Variants in SEC61A2 observed in about 807,000 individuals in gnomAD.
SEC61A2 encodes protein transport protein Sec61 subunit alpha isoform 2.
Under a neutral mutation model 59.9 loss-of-function variants are expected in SEC61A2, and 28 were observed. The observed-to-expected ratio is 0.47, with a 90% confidence interval of 0.35 to 0.64. The LOEUF (loss-of-function observed/expected upper bound fraction) is 0.64. Ranked by LOEUF, SEC61A2 falls within the 30% of genes least tolerant of loss-of-function variation. SEC61A2 has a pLI of 0.01. For synonymous variants in SEC61A2, 202 were observed against 214.4 expected (o/e 0.94, Z 0.50); for missense variants, 340 against 585.9 (o/e 0.58, Z 4.33).
downstream of SEC61A2, chr10:12,167,937 G>T: frequency 7.0e-7 from 1 of 1,436,774 alleles, no homozygotes; most frequent in Non-Finnish European, 9.1e-7. Context: ...TGGTGATAAC[G>T]TTTTTTTTGG....
chr10:12,156,756 C>T lies in SEC61A2; in HGVS notation c.617-151C>T, dbSNP rs1834404781. 1 of 637,292 alleles carries T rather than the reference C, an allele frequency of 1.6e-6. No homozygotes were observed. Among genetic ancestry groups the T allele is most frequent in the South Asian group, 2.3e-5 (1 of 43,082 alleles). 39.5% of individuals were successfully genotyped at this position (637,292 alleles called of 1,614,324 possible). A position where few individuals can be genotyped will look rare whatever the true frequency, so the allele number is the denominator to read the frequency against. ...TCAATGATCTAAATATTTGTAGAAC[C>T]TGCTCACATGGCTATATCATAAAGC... On this transcript the variant is annotated intron_variant, in intron 7 of 11. Coordinates refer to ENST00000298428, the MANE Select transcript of SEC61A2 (RefSeq NM_018144.4). The surrounding 1 kb of genome is among the most constrained non-coding windows in gnomAD (Gnocchi z 5.2).
In SEC61A2 at chr10:12,158,303, T is replaced by C. The variant is rs1243349733; in HGVS notation, c.975+198T>C. 4 of 550,066 alleles carry C rather than the reference T, an allele frequency of 7.3e-6. No homozygotes were observed. The highest frequency in any genetic ancestry group is 3.5e-5 in the Admixed American group (1 of 28,980). 34.1% of individuals were successfully genotyped at this position (550,066 alleles called of 1,614,324 possible). ...AAGATTGCCCAAGCGCTTTTTATTA[T>C]TTTGCTCTCTAGGAAGCACTTTCAC... On this transcript the variant is annotated intron_variant, in intron 9 of 11. Coordinates refer to ENST00000298428, the MANE Select transcript of SEC61A2 (RefSeq NM_018144.4). The surrounding 1 kb of genome is among the most constrained non-coding windows in gnomAD (Gnocchi z 5.7).
At position 12,164,585 on chromosome 10, in the gene SEC61A2, C is replaced by G; in HGVS notation, c.*131C>G. 1 of 1,463,406 alleles carries G rather than the reference C, an allele frequency of 6.8e-7. No homozygotes were observed. Among genetic ancestry groups the G allele is most frequent in the Non-Finnish European group, 9.0e-7 (1 of 1,113,634 alleles). The allele number at this position is 1,463,406 out of a possible 1,614,324, so 90.7% of individuals were successfully genotyped here. On this transcript the variant is annotated 3_prime_UTR_variant, in exon 12 of 12. Coordinates refer to ENST00000298428, the MANE Select transcript of SEC61A2 (RefSeq NM_018144.4). The surrounding 1 kb of genome is among the most constrained non-coding windows in gnomAD (Gnocchi z 7.3). ...GTTTCGAGTGCTGACTGACCCGTTT[C>G]TGAAATGGGCACCGAGCTAAGTCTG... is the stretch of plus-strand genomic sequence containing the variant.
chr10:12,158,321 A>T lies in SEC61A2; in HGVS notation c.975+216A>T, dbSNP rs1444645175. 3.9e-6 allele frequency: 2 copies of T among 513,614 alleles called. No individual in the cohort carries two copies. Among genetic ancestry groups the T allele is most frequent in the Non-Finnish European group, 6.8e-6 (2 of 292,506 alleles). The allele number at this position is 513,614 out of a possible 1,614,324, so 31.8% of individuals were successfully genotyped here. A position where few individuals can be genotyped will look rare whatever the true frequency, so the allele number is the denominator to read the frequency against. Reference sequence around the variant, plus strand: ...TTTATTATTTTGCTCTCTAGGAAGCACTTTCACATCTCATTTGAATGACCT... The same window carrying T: ...TTTATTATTTTGCTCTCTAGGAAGCTCTTTCACATCTCATTTGAATGACCT... On this transcript the variant is annotated intron_variant, in intron 9 of 11. Transcript: ENST00000298428. The surrounding 1 kb of genome is among the most constrained non-coding windows in gnomAD (Gnocchi z 5.7).
chr10:12,131,047 C>T (rs1833722350), intron 1 of SEC61A2, among the ~76,000 whole-genome samples: 1 of 152,188 alleles, frequency 6.6e-6, no homozygotes, highest in African/African-American at 2.4e-5. Flanking sequence ...GTGGTGGGCG[C>T]CAGTCATCCC....
chr10:12,147,918 C>G (rs1394224911), intron 4 of SEC61A2, among the ~76,000 whole-genome samples: 1 of 151,510 alleles, frequency 6.6e-6, no homozygotes, highest in Non-Finnish European at 1.5e-5. Flanking sequence ...GGTGATCTAA[C>G]TTAAGAAATC....
At chr10:12,159,041 G>A (rs918713630) in intron 9 of SEC61A2, among the ~76,000 whole-genome samples, 1 of 149,048 alleles carries the variant, frequency 6.7e-6, no homozygotes, top group African/African-American at 2.5e-5. Flanking sequence ...GCAGTGGTAC[G>A]ATCTCGGCTC....
intron 1 of SEC61A2, among the ~76,000 whole-genome samples, chr10:12,131,839 C>T (rs1439659659): frequency 3.0e-5 from 4 of 132,790 alleles, no homozygotes; most frequent in East Asian, 2.2e-4. Context: ...TACAGGGGCC[C>T]GCCACCACGC....
chr10:12,157,409 C>T (rs1321591915), intron 8 of SEC61A2, among the ~76,000 whole-genome samples: 1 of 151,514 alleles, frequency 6.6e-6, no homozygotes, highest in Non-Finnish European at 1.5e-5. Flanking sequence ...GATCTTAGCT[C>T]ACTCTAACCT....
At chr10:12,138,590 T>C (rs553292761) in intron 3 of SEC61A2, among the ~76,000 whole-genome samples, 1 of 152,240 alleles carries the variant, frequency 6.6e-6, no homozygotes, top group Non-Finnish European at 1.5e-5. Context: ...TACTTTGATT[T>C]GTTTTTTCTA....
chr10:12,144,458 G>A (rs74986107), intron 4 of SEC61A2, among the ~76,000 whole-genome samples: 2,558 of 152,222 alleles, frequency 0.017, 47 homozygotes, highest in Non-Finnish European at 0.023. Flanking sequence ...ATAAGGATAC[G>A]CTGTGATTTA....
chr10:12,153,138 C>G lies in SEC61A2; in HGVS notation c.463-2640C>G, dbSNP rs1466691428. Reference sequence around the variant, plus strand: ...TCACTTGATTGGCAAATTTACAGCCCTTGGGAATTAGGGAAAGAGGCGCAT... The same window carrying G: ...TCACTTGATTGGCAAATTTACAGCCGTTGGGAATTAGGGAAAGAGGCGCAT... On this transcript the variant is annotated intron_variant, in intron 6 of 11. Coordinates refer to ENST00000298428, the MANE Select transcript of SEC61A2 (RefSeq NM_018144.4). This position sits in a 1 kb window ranked among gnomAD's most constrained non-coding sequence, Gnocchi z 5.2. Among the ~76,000 whole-genome samples, 1 of 152,048 alleles carries G rather than the reference C, an allele frequency of 6.6e-6. No individual in the cohort carries two copies. Among genetic ancestry groups the G allele is most frequent in the Admixed American group, 6.5e-5 (1 of 15,268 alleles).
At chr10:12,157,734 C>T (rs1240709017) in intron 8 of SEC61A2, among the ~76,000 whole-genome samples, 174 bp from the exon 9 acceptor site, 1 of 152,116 alleles carries the variant, frequency 6.6e-6, no homozygotes, top group Non-Finnish European at 1.5e-5. Flanking sequence ...ATCTCCTGAC[C>T]TCGTGATCTG....
chr10:12,149,606 G>T lies in SEC61A2; in HGVS notation c.232G>T (p.Glu78Ter), dbSNP rs1275530619. The T allele has an allele frequency of 6.2e-7, 1 of 1,606,576 alleles. No individual in the cohort carries two copies. The highest frequency in any genetic ancestry group is 8.5e-7 in the Non-Finnish European group (1 of 1,177,538). Reference protein sequence around the residue: ...ILASNRGTLMELGISPIVTSG... With the variant: ...ILASNRGTLM The stretch of plus-strand genomic sequence containing the variant: ...CCCTTCCTTTCCAGGAACTTTAATG[G>T]AATTGGGTATCTCCCCAATTGTAAC... Residue 78 changes from glutamate (E) to a stop codon, truncating the protein, a stop_gained, in exon 5 of 12, where the codon GAA becomes TAA. Transcript: ENST00000298428. LOFTEE classifies it high-confidence loss of function. This position sits in a 1 kb window ranked among gnomAD's most constrained non-coding sequence, Gnocchi z 5.2.
intron 4 of SEC61A2, among the ~76,000 whole-genome samples, chr10:12,148,630 C>A (rs934251413): frequency 1.3e-5 from 2 of 151,834 alleles, no homozygotes; most frequent in East Asian, 3.9e-4. Context: ...ACCTCCAACT[C>A]CTCGGTTCAA....
Position 12,155,353 on chromosome 10 carries a change from AT to A in SEC61A2, c.463-422del. ...GACTTATCCTTTGATGGCAGTGTAC[AT>A]TTCCATCTTGCTATTATACCAGAAT... On this transcript the variant is annotated intron_variant, in intron 6 of 11. Transcript: ENST00000298428. The surrounding 1 kb of genome is among the most constrained non-coding windows in gnomAD (Gnocchi z 4.3). 1 of 1,582,906 alleles carries A rather than the reference AT, an allele frequency of 6.3e-7. No individual in the cohort carries two copies. Among genetic ancestry groups the A allele is most frequent in the South Asian group, 1.2e-5 (1 of 85,822 alleles).
Position 12,155,521 on chromosome 10 carries a change from C to A in SEC61A2, c.463-257C>A. ...TTTAAACATTGCAAAAGAAACTATT[C>A]AGATAAGTGTAAATAGACTTTAAAA... On this transcript the variant is annotated intron_variant, in intron 6 of 11. Coordinates refer to ENST00000298428, the MANE Select transcript of SEC61A2 (RefSeq NM_018144.4). The surrounding 1 kb of genome is among the most constrained non-coding windows in gnomAD (Gnocchi z 4.3). 1 of 681,994 alleles carries A rather than the reference C, an allele frequency of 1.5e-6. No homozygotes were observed. The highest frequency in any genetic ancestry group is 2.4e-6 in the Non-Finnish European group (1 of 416,516). 42.2% of individuals were successfully genotyped at this position (681,994 alleles called of 1,614,324 possible). A position where few individuals can be genotyped will look rare whatever the true frequency, so the allele number is the denominator to read the frequency against.
At chr10:12,146,248 C>G (rs1834134563) in intron 4 of SEC61A2, among the ~76,000 whole-genome samples, 1 of 152,118 alleles carries the variant, frequency 6.6e-6, no homozygotes, top group African/African-American at 2.4e-5. Flanking sequence ...GAATTCCTGA[C>G]CTCAGGTGAT....
Position 12,161,215 on chromosome 10 carries a change from A to G in SEC61A2, c.1167+94A>G. The stretch of plus-strand genomic sequence containing the variant: ...CACTTTGGCAGGCTGAGGCCGCTGG[A>G]TCGCTTCACCTCAGGAGTTTTGAGA... On this transcript the variant is annotated intron_variant, in intron 10 of 11. Coordinates refer to ENST00000298428, the MANE Select transcript of SEC61A2 (RefSeq NM_018144.4). This position sits in a 1 kb window ranked among gnomAD's most constrained non-coding sequence, Gnocchi z 5.4. 1 of 978,364 alleles carries G rather than the reference A, an allele frequency of 1.0e-6. No individual in the cohort carries two copies. The highest frequency in any genetic ancestry group is 1.5e-6 in the Non-Finnish European group (1 of 663,868). 60.6% of individuals were successfully genotyped at this position (978,364 alleles called of 1,614,324 possible). A position where few individuals can be genotyped will look rare whatever the true frequency, so the allele number is the denominator to read the frequency against.
Sources: allele counts gnomAD v4.1 joint callset (sites outside exome capture counted in the v4.1 genomes callset), GRCh38; gene constraint gnomAD v4.1.1; non-coding constraint Gnocchi (gnomAD v3.1); transcripts MANE v1.5; gene names NCBI Gene and HGNC (gene_info 2026-07-23, HGNC 2026-07-21).